NDC1: variants seen among roughly 807,000 people sequenced by gnomAD.
NDC1 encodes NDC1 transmembrane nucleoporin.
A neutral mutation model predicts 89.8 loss-of-function variants in NDC1; 24 were observed. The observed-to-expected ratio is 0.27, with a 90% CI of 0.19 to 0.38. The LOEUF (loss-of-function observed/expected upper bound fraction) is 0.38, where lower values mean the gene tolerates loss of function less well. Among genes scored for constraint, NDC1 ranks in the 10% least tolerant of loss-of-function variants. The probability of loss-of-function intolerance (pLI) is 1.00; values close to 1 mark genes in which losing one functional copy is unlikely to be tolerated. For missense variants in NDC1, 728 were observed against 797.6 expected, an observed-to-expected ratio of 0.91 and a Z score of 1.05; for synonymous variants, 296 against 284.8, an observed-to-expected ratio of 1.04 and a Z score of -0.39.
intron 5 of NDC1, among the ~76,000 whole-genome samples, chr1:53,822,031 T>C (rs1161860036): frequency 6.6e-6 from 1 of 152,230 alleles, no homozygotes; most frequent in Non-Finnish European, 1.5e-5. Flanking sequence ...TTTGTATTTT[T>C]TACACTCCTG....
intron 17 of NDC1, among the ~76,000 whole-genome samples, chr1:53,770,550 G>A (rs1415724581): frequency 5.3e-5 from 8 of 151,642 alleles, no homozygotes; most frequent in South Asian, 2.1e-4. Flanking sequence ...CAGATGATCC[G>A]CCCGCCTTGG....
At chr1:53,812,150 A>G (rs1648329376) in intron 6 of NDC1, among the ~76,000 whole-genome samples, 1 of 152,144 alleles carries the variant, frequency 6.6e-6, no homozygotes, top group Non-Finnish European at 1.5e-5. Flanking sequence ...AGCCTACCCA[A>G]ATGAGAAGGA....
At chr1:53,796,268 G>A (rs1249465892) in intron 13 of NDC1, among the ~76,000 whole-genome samples, 1 of 152,060 alleles carries the variant, frequency 6.6e-6, no homozygotes, top group African/African-American at 2.4e-5. Flanking sequence ...TCAATAGCAC[G>A]TCATGGGTTA....
chr1:53,811,620 C>G (rs1648307492), intron 6 of NDC1, among the ~76,000 whole-genome samples: 1 of 152,030 alleles, frequency 6.6e-6, no homozygotes, highest in African/African-American at 2.4e-5. Flanking sequence ...AAAAACTGAC[C>G]CAGGAGAGTC....
At chr1:53,787,366 A>G in intron 15 of NDC1, 108 bp from the exon 16 acceptor site, 1 of 674,536 alleles carries the variant, frequency 1.5e-6, no homozygotes, top group East Asian at 2.8e-5. Flanking sequence ...AAAGAAATAA[A>G]GGCTGGGCAC....
At chr1:53,834,980 T>TGCCTGGAATCCCAGCCACTCAAGAG (rs11271227) in intron 2 of NDC1, among the ~76,000 whole-genome samples, 1 of 151,924 alleles carries the variant, frequency 6.6e-6, no homozygotes, top group Non-Finnish European at 1.5e-5. Context: ...TGGTGGCGCG[T>TGCCTGGAATCCCAGCCACTCAAGAG]GCTGAGGCAC....
At chr1:53,835,658 G>A (rs747476475) in intron 1 of NDC1, 38 bp from the exon 2 acceptor site, 6 of 1,571,436 alleles carry the variant, frequency 3.8e-6, no homozygotes, top group Non-Finnish European at 5.2e-6. Context: ...CATGAAGTCA[G>A]TTAAATTATT....
intron 6 of NDC1, among the ~76,000 whole-genome samples, chr1:53,817,630 CAGAA>C (rs1052748103): frequency 6.6e-5 from 10 of 151,768 alleles, no homozygotes; most frequent in East Asian, 3.9e-4. Flanking sequence ...CAATAACTTA[CAGAA>C]AGAAAGAAAG....
chr1:53,822,304 G>A lies in NDC1; in HGVS notation c.595-3225C>T, dbSNP rs148349391. ...AGCCGGGACTGTGCCACTGCACTCC[G>A]GCCTGGGCGACAAGAGCAAAACTCC... On this transcript the variant is annotated intron_variant, in intron 5 of 17. Transcript: ENST00000371429. Among the ~76,000 whole-genome samples, 45 of 152,108 alleles carry A rather than the reference G, an allele frequency of 3.0e-4. No homozygotes were observed. The East Asian group carries it at 5.2e-3, about 18-fold the overall frequency.
intron 16 of NDC1, among the ~76,000 whole-genome samples, chr1:53,773,232 C>G (rs1647134198): frequency 6.6e-6 from 1 of 151,984 alleles, no homozygotes; most frequent in Non-Finnish European, 1.5e-5. Flanking sequence ...AATAAACTGA[C>G]AAGATACAAC....
chr1:53,827,267 TAAAAAAA>T (rs80007578), intron 4 of NDC1, among the ~76,000 whole-genome samples: 19 of 126,874 alleles, frequency 1.5e-4, no homozygotes, highest in Non-Finnish European at 2.7e-4. Flanking sequence ...CATCTTTGTT[TAAAAAAA>T]AAAAAAAAAA....
At chr1:53,784,933 G>C (rs1006702710) in intron 16 of NDC1, among the ~76,000 whole-genome samples, 1 of 151,982 alleles carries the variant, frequency 6.6e-6, no homozygotes, top group Non-Finnish European at 1.5e-5. Context: ...ACTCCAGCCT[G>C]GGCAACAGAG....
At chr1:53,775,405 C>T (rs535288726) in intron 16 of NDC1, among the ~76,000 whole-genome samples, 9 of 151,972 alleles carry the variant, frequency 5.9e-5, no homozygotes, top group Admixed American at 3.9e-4. Context: ...TACAGGCGCC[C>T]GCAACCACGC....
intron 16 of NDC1, among the ~76,000 whole-genome samples, chr1:53,773,251 C>T (rs1006029445): frequency 6.6e-6 from 1 of 151,946 alleles, no homozygotes; most frequent in Non-Finnish European, 1.5e-5. Flanking sequence ...ACAGTATAAG[C>T]GTACTATTTA....
chr1:53,829,861 T>C (rs2100693163), intron 3 of NDC1, among the ~76,000 whole-genome samples: 1 of 152,280 alleles, frequency 6.6e-6, no homozygotes, highest in Non-Finnish European at 1.5e-5. Flanking sequence ...AGTGAGGAAT[T>C]AAGAAAGCAG....
chr1:53,812,317 A>C (rs1479273739), intron 6 of NDC1, among the ~76,000 whole-genome samples: 1 of 152,246 alleles, frequency 6.6e-6, no homozygotes, highest in African/African-American at 2.4e-5. Flanking sequence ...CTAATCAGGG[A>C]GGGACCAGAG....
chr1:53,808,400 G>A (rs1648187212), intron 7 of NDC1, among the ~76,000 whole-genome samples: 1 of 152,172 alleles, frequency 6.6e-6, no homozygotes, highest in Non-Finnish European at 1.5e-5. Flanking sequence ...TAAGTGTTGT[G>A]ATTAGGTAAA....
At chr1:53,794,126 C>A (rs749285574) in intron 13 of NDC1, among the ~76,000 whole-genome samples, 1 of 152,058 alleles carries the variant, frequency 6.6e-6, no homozygotes, top group Non-Finnish European at 1.5e-5. Context: ...CAGGAATGCA[C>A]CACCACACCC....
chr1:53,806,478 A>G lies in NDC1; in HGVS notation c.931T>C (p.Ser311Pro). 6.5e-7 allele frequency: 1 copy of G among 1,529,214 alleles called. No homozygotes were observed. The allele number at this position is 1,529,214 out of a possible 1,614,324, so 94.7% of individuals were successfully genotyped here. ...AACACTTTTGGAAGGCACTCATCTG[A>G]CCCTTCTGCAAATGGTGGTTGAACA... ...FPVQPPFAEG[S>P]DECLPKVLNS... Residue 311 changes from serine to proline, a missense_variant, in exon 9 of 18, where the codon TCA becomes CCA. Ser to Pro is a moderately conservative substitution (Grantham distance 74). Transcript: ENST00000371429.
Sources: gnomAD v4.1 joint callset for allele counts (sites outside exome capture counted in the v4.1 genomes callset) on GRCh38, gnomAD v4.1.1 for gene constraint, MANE v1.5 for transcripts, NCBI Gene and HGNC (gene_info 2026-07-23, HGNC 2026-07-21) for gene names.